The following ERICH3 variants were observed in gnomAD, a reference collection of about 807,000 sequenced individuals.
ERICH3 encodes the protein glutamate rich 3, also known as glutamate-rich protein 3.
Under a neutral mutation model 131.1 loss-of-function variants are expected in ERICH3, and 126 were observed. The observed-to-expected ratio is 0.96, with a 90% CI of 0.83 to 1.11. The LOEUF (loss-of-function observed/expected upper bound fraction) is 1.11, where lower values mean the gene tolerates loss of function less well. Among genes scored for constraint, ERICH3 ranks in the 50% most tolerant of loss-of-function variants. The probability of loss-of-function intolerance (pLI) is 0.00; values close to 1 mark genes in which losing one functional copy is unlikely to be tolerated. For synonymous variants in ERICH3, 695 were observed against 644.6 expected (o/e 1.08, Z -1.18); for missense variants, 2,050 against 1,810.7 (o/e 1.13, Z -2.40).
At position 74,573,013 on chromosome 1, in the gene ERICH3, T is replaced by TA; in HGVS notation, c.2696dup (p.Leu899PhefsTer9). ...CTTCATTTGCAAGCACTGCCTTCTC[T>TA]AAACCCTGTTCCCCTTCAGAAGCTG... is the stretch of plus-strand genomic sequence containing the variant. On this transcript the variant is annotated frameshift_variant, in exon 14 of 15. Coordinates refer to ENST00000326665, the MANE Select transcript of ERICH3 (RefSeq NM_001002912.5). LOFTEE classifies it high-confidence loss of function. 6.2e-7 allele frequency: 1 copy of TA among 1,614,186 alleles called. No homozygotes were observed. The highest frequency in any genetic ancestry group is 8.5e-7 in the Non-Finnish European group (1 of 1,180,024).
chr1:74,669,597 A>G (rs1233307819), intron 1 of ERICH3, among the ~76,000 whole-genome samples: 1 of 152,200 alleles, frequency 6.6e-6, no homozygotes, highest in African/African-American at 2.4e-5. Context: ...ACTCTAAAAC[A>G]ATTTCATTCA....
intron 13 of ERICH3, among the ~76,000 whole-genome samples, chr1:74,575,905 A>C (rs1203314557): frequency 6.6e-6 from 1 of 151,336 alleles, no homozygotes; most frequent in Non-Finnish European, 1.5e-5. Context: ...TTTCTAAGAA[A>C]TATTAGTATA....
rs1004863093 is a variant in ERICH3 at position 74,568,755 on chromosome 1, G to A, written c.*1703C>T. On this transcript the variant is annotated 3_prime_UTR_variant, in exon 15 of 15. Transcript: ENST00000326665. ...AGACAGAGAGACATAGAGAGGCAAA[G>A]AAAGAAAGTTCAAAATGCCTCTGTA... The A allele has an allele frequency of 7.9e-5, 12 of 152,148 alleles. No homozygotes were observed. The highest frequency in any genetic ancestry group is 2.9e-4 in the African/African-American group (12 of 41,430). 9.4% of individuals were successfully genotyped at this position (152,148 alleles called of 1,614,324 possible).
intron 11 of ERICH3, among the ~76,000 whole-genome samples, chr1:74,591,091 T>G (rs1219124679): frequency 6.6e-6 from 1 of 152,206 alleles, no homozygotes; most frequent in Non-Finnish European, 1.5e-5. Context: ...GTAAGATCTG[T>G]GTATTTGGCC....
intron 7 of ERICH3, among the ~76,000 whole-genome samples, chr1:74,631,134 G>A (rs1175984873): frequency 6.6e-6 from 1 of 151,914 alleles, no homozygotes; most frequent in Non-Finnish European, 1.5e-5. Flanking sequence ...ATTGCTATTG[G>A]TTGTATATTT....
chr1:74,589,814 A>G lies in ERICH3; in HGVS notation c.1993T>C (p.Phe665Leu), dbSNP rs762659449. The change falls in exon 12 of 15, where the codon TTT becomes CTT. Residue 665 changes from phenylalanine (F) to leucine (L), a missense_variant. Transcript: ENST00000326665. ...GTTCCTTCTTTAAGAACATTCTCAA[A>G]GCTTTCGTCTATTGGCATCGGCTTG... ...ETKPMPIDES[F>L]ENVLKEGTEK... 3.1e-6 allele frequency: 5 copies of G among 1,613,896 alleles called. No individual in the cohort carries two copies. Among genetic ancestry groups the G allele is most frequent in the Admixed American group, 1.7e-5 (1 of 59,980 alleles).
chr1:74,665,085 A>C (rs1477431261), intron 1 of ERICH3, among the ~76,000 whole-genome samples: 2 of 151,876 alleles, frequency 1.3e-5, no homozygotes, highest in African/African-American at 4.8e-5. Flanking sequence ...GAAGGTAAAA[A>C]CCCTCATGAA....
intron 12 of ERICH3, 120 bp downstream of exon 12, chr1:74,589,511 A>T: frequency 1.0e-6 from 1 of 973,320 alleles, no homozygotes; most frequent in Non-Finnish European, 1.6e-6. Context: ...CACAGCAAAA[A>T]ATCTTGAATC....
intron 12 of ERICH3, chr1:74,579,572 T>G: frequency 1.0e-6 from 1 of 985,392 alleles, no homozygotes; most frequent in Non-Finnish European, 1.2e-6. Flanking sequence ...CTGGCCTAAG[T>G]ATCAAGGACT....
chr1:74,645,147 T>A (rs1449726437), intron 3 of ERICH3, among the ~76,000 whole-genome samples: 1 of 152,036 alleles, frequency 6.6e-6, no homozygotes, highest in Non-Finnish European at 1.5e-5. Context: ...ATCCTCCTCT[T>A]CTTTTCTGAA....
At chr1:74,646,991 G>C (rs922030937) in intron 2 of ERICH3, among the ~76,000 whole-genome samples, 199 bp from the exon 3 acceptor site, 8 of 151,220 alleles carry the variant, frequency 5.3e-5, no homozygotes. Context: ...AACGAGAGGG[G>C]AGAAAGAGGG....
chr1:74,603,154 T>C (rs1648224977), intron 10 of ERICH3, among the ~76,000 whole-genome samples: 1 of 151,892 alleles, frequency 6.6e-6, no homozygotes, highest in Non-Finnish European at 1.5e-5. Context: ...ATGGTTATTG[T>C]GCCCCCTATC....
At chr1:74,658,984 C>T (rs1646613323) in intron 1 of ERICH3, among the ~76,000 whole-genome samples, 2 of 152,174 alleles carry the variant, frequency 1.3e-5, no homozygotes, top group South Asian at 4.1e-4. Flanking sequence ...ATTAGCAGTG[C>T]TTTCTTCTTA....
intron 1 of ERICH3, among the ~76,000 whole-genome samples, chr1:74,663,059 C>G (rs898845046): frequency 6.6e-6 from 1 of 152,094 alleles, no homozygotes; most frequent in Non-Finnish European, 1.5e-5. Flanking sequence ...CCCCAAATTA[C>G]TCTCTCCAGG....
In ERICH3 at chr1:74,571,116, C is replaced by G. The variant is rs777733656; in HGVS notation, c.*1G>C. The G allele has an allele frequency of 2.5e-6, 4 of 1,612,322 alleles. No homozygotes were observed. Among genetic ancestry groups the G allele is most frequent in the Non-Finnish European group, 3.4e-6 (4 of 1,179,118 alleles). On this transcript the variant is annotated 3_prime_UTR_variant, in exon 14 of 15. Coordinates refer to ENST00000326665, the MANE Select transcript of ERICH3 (RefSeq NM_001002912.5). ...AAACTCACTGTCTGCCAGCAAGTCT[C>G]CTAGACCTGCACGTTGTTGGGGGAA...
At chr1:74,585,063 G>T (rs1041559243) in intron 12 of ERICH3, among the ~76,000 whole-genome samples, 13 of 152,002 alleles carry the variant, frequency 8.6e-5, no homozygotes, top group Non-Finnish European at 1.9e-4. Context: ...ATTCCCATAT[G>T]CATTTGACAT....
At chr1:74,579,330 T>A (rs1270545813) in intron 12 of ERICH3, 3 of 852,122 alleles carry the variant, frequency 3.5e-6, no homozygotes, top group Non-Finnish European at 4.2e-6. Context: ...CAATAAGCAA[T>A]TAGCAGGTAC....
chr1:74,582,694 C>T (rs975560236), intron 12 of ERICH3, among the ~76,000 whole-genome samples: 2 of 152,044 alleles, frequency 1.3e-5, no homozygotes, highest in African/African-American at 2.4e-5. Context: ...AAAGTTGATA[C>T]TTTAATATCT....
intron 11 of ERICH3, 113 bp from the exon 12 acceptor site, chr1:74,590,193 T>C (rs994607177): frequency 3.3e-6 from 3 of 904,860 alleles, no homozygotes; most frequent in South Asian, 1.9e-5. Flanking sequence ...TAGTTTAATA[T>C]AGACCTGATA....
Sources: allele counts gnomAD v4.1 joint callset (sites outside exome capture counted in the v4.1 genomes callset), GRCh38; gene constraint gnomAD v4.1.1; transcripts MANE v1.5; gene names NCBI Gene and HGNC (gene_info 2026-07-23, HGNC 2026-07-21).